The following MBP variants were observed in gnomAD, a reference collection of about 807,000 sequenced individuals.
MBP encodes the protein Golli-MBP.
In MBP, 16 loss-of-function variants were observed where a neutral mutation model predicts 35.8. The observed-to-expected ratio is 0.45, with a 90% CI of 0.30 to 0.68. MBP has a LOEUF of 0.68. Among genes scored for constraint, MBP ranks in the 30% least tolerant of loss-of-function variants. The pLI is 0.08. For missense variants in MBP, 380 were observed against 404.7 expected (o/e 0.94, Z 0.52); for synonymous variants, 143 against 159.6 (o/e 0.90, Z 0.78).
At chr18:77,004,908 T>A (rs987536152) in intron 4 of MBP, 14 of 152,240 alleles carry the variant, frequency 9.2e-5, no homozygotes, top group African/African-American at 3.4e-4. Context: ...CTCTCCCATG[T>A]TTCATGGGGA....
chr18:77,062,986 T>C (rs1364093990), intron 3 of MBP, among the ~76,000 whole-genome samples: 1 of 152,218 alleles, frequency 6.6e-6, no homozygotes, highest in African/African-American at 2.4e-5. Context: ...AACCTAGAGA[T>C]GACCATCACA....
chr18:76,990,021 G>A lies in MBP; in HGVS notation c.616C>T (p.Leu206=). 6.2e-7 allele frequency: 1 copy of A among 1,613,116 alleles called. No homozygotes were observed. Among genetic ancestry groups the A allele is most frequent in the South Asian group, 1.1e-5 (1 of 91,022 alleles). ...HPARTAHYGS[L]PQKSHGRTQD... is the part of the protein sequence containing the mutation. Reference sequence around the variant, plus strand: ...GTCCGGCCGTGTGACTTCTGGGGCAGGGAGCCGTAGTGAGCAGTTCTTGCC... The same window carrying A: ...GTCCGGCCGTGTGACTTCTGGGGCAAGGAGCCGTAGTGAGCAGTTCTTGCC... The change falls in exon 5 of 9, where the codon CTG becomes TTG. Residue 206 remains leucine (L), a synonymous_variant. Transcript: ENST00000355994.
intron 3 of MBP, among the ~76,000 whole-genome samples, chr18:77,035,249 G>A (rs940856388): frequency 7.2e-5 from 11 of 152,102 alleles, no homozygotes; most frequent in South Asian, 4.1e-4. Flanking sequence ...CAGTAACTGG[G>A]ACCCACCTGT....
At chr18:77,129,782 C>T (rs888613831) in intron 1 of MBP, among the ~76,000 whole-genome samples, 3 of 152,136 alleles carry the variant, frequency 2.0e-5, no homozygotes, top group African/African-American at 7.2e-5. Context: ...GTAATCCCAG[C>T]ACTTTGGGAG....
At chr18:77,014,200 C>T (rs983090403) in intron 4 of MBP, 1 of 985,444 alleles carries the variant, frequency 1.0e-6, no homozygotes, top group South Asian at 4.7e-5. Flanking sequence ...TCTTGAATGT[C>T]AGCTCCCAGC....
At chr18:76,993,003 G>T (rs1046970069) in intron 4 of MBP, among the ~76,000 whole-genome samples, 3 of 152,196 alleles carry the variant, frequency 2.0e-5, no homozygotes, top group Non-Finnish European at 4.4e-5. Flanking sequence ...CAGGGCAAAG[G>T]CATCTCCCAT....
intron 7 of MBP, chr18:76,987,531 G>T (rs1307855244): frequency 4.1e-6 from 4 of 985,548 alleles, no homozygotes; most frequent in Non-Finnish European, 4.8e-6. Context: ...CCCACCTTCT[G>T]TTTTCTTTCC....
chr18:77,119,807 C>T (rs571425962), intron 1 of MBP, among the ~76,000 whole-genome samples: 6 of 152,136 alleles, frequency 3.9e-5, no homozygotes. Flanking sequence ...TGGGGTGCTG[C>T]GGAAGAAGGG....
upstream of MBP, chr18:77,132,968 G>A (rs1434879001): frequency 6.6e-6 from 1 of 152,106 alleles, no homozygotes; most frequent in Admixed American, 6.5e-5. Flanking sequence ...AACTTGGGGG[G>A]CGCACGGGGC....
At chr18:77,013,840 A>T in intron 4 of MBP, 3 of 985,414 alleles carry the variant, frequency 3.0e-6, no homozygotes, top group Non-Finnish European at 3.6e-6. Context: ...TGTCTTGTGA[A>T]ACCTTACTTC....
Position 77,066,514 on chromosome 18 carries a change from G to T in MBP, c.52-129C>A, listed in dbSNP as rs1974205907. 6.3e-6 allele frequency: 5 copies of T among 788,936 alleles called. No individual in the cohort carries two copies. In the East Asian group the frequency reaches 1.2e-4, roughly 19 times the overall value. 48.9% of individuals were successfully genotyped at this position (788,936 alleles called of 1,614,324 possible). ...CAGTTTCACATCTGTTTTCAAGATA[G>T]AATATAGAGCCTTGGTTCAGAGGAG... On this transcript the variant is annotated intron_variant, in intron 2 of 8. Transcript: ENST00000355994.
chr18:77,053,994 G>A (rs1973621976), intron 3 of MBP, among the ~76,000 whole-genome samples: 1 of 152,214 alleles, frequency 6.6e-6, no homozygotes, highest in Non-Finnish European at 1.5e-5. Context: ...CCCCCTCCTC[G>A]AGGTGGGGCC....
At chr18:77,036,882 T>C (rs1972793444) in intron 3 of MBP, among the ~76,000 whole-genome samples, 1 of 119,372 alleles carries the variant, frequency 8.4e-6, no homozygotes, top group Non-Finnish European at 1.7e-5. Context: ...GCTGGTCACG[T>C]TTTGGAGACT....
intron 4 of MBP, chr18:77,005,596 G>A (rs1970917188): frequency 6.6e-6 from 1 of 152,262 alleles, no homozygotes; most frequent in African/African-American, 2.4e-5. Flanking sequence ...GGGCTTTTGA[G>A]GCTTGATTAC....
At chr18:77,113,424 G>C (rs1329743277) in intron 1 of MBP, 1 of 152,306 alleles carries the variant, frequency 6.6e-6, no homozygotes, top group African/African-American at 2.4e-5. Context: ...CTCTGCCAAC[G>C]CCTTGACTTT....
In MBP at chr18:77,102,232, C is replaced by T. The variant is rs375443432; in HGVS notation, c.51+2979G>A. On this transcript the variant is annotated intron_variant, in intron 2 of 8. Transcript: ENST00000355994. This position sits in a 1 kb window ranked among gnomAD's most constrained non-coding sequence, Gnocchi z 4.4. The stretch of plus-strand genomic sequence containing the variant: ...AGTGTGTGGGGTAGACCGGGCAGCC[C>T]CCACCGCAGCTGCCCTCCCTGCTGA... Among the ~76,000 whole-genome samples, 2 of 152,142 alleles carry T rather than the reference C, an allele frequency of 1.3e-5. No individual in the cohort carries two copies. Among genetic ancestry groups the T allele is most frequent in the South Asian group, 2.1e-4 (1 of 4,810 alleles).
intron 2 of MBP, among the ~76,000 whole-genome samples, chr18:77,096,521 T>C (rs963743117): frequency 1.3e-5 from 2 of 152,246 alleles, no homozygotes; most frequent in Non-Finnish European, 2.9e-5. Context: ...TACTCTCCAC[T>C]GTAAAATTTA....
chr18:77,018,638 A>G (rs1971811565), intron 3 of MBP, among the ~76,000 whole-genome samples: 1 of 144,154 alleles, frequency 6.9e-6, no homozygotes, highest in South Asian at 2.2e-4. Context: ...CCATCCATCC[A>G]TCCACATATC....
At chr18:77,062,511 G>GAAAAA (rs3056727) in intron 3 of MBP, among the ~76,000 whole-genome samples, 1 of 131,938 alleles carries the variant, frequency 7.6e-6, no homozygotes, top group Non-Finnish European at 1.7e-5. Flanking sequence ...GAAAGCTGTC[G>GAAAAA]AAAAAAAAAA....
Sources: allele counts gnomAD v4.1 joint callset (sites outside exome capture counted in the v4.1 genomes callset), GRCh38; gene constraint gnomAD v4.1.1; non-coding constraint Gnocchi (gnomAD v3.1); transcripts MANE v1.5; gene names NCBI Gene and HGNC (gene_info 2026-07-23, HGNC 2026-07-21).